EML4: variants seen among roughly 807,000 people sequenced by gnomAD.
EML4 encodes the protein EMAP like 4.
In EML4, 72 loss-of-function variants were observed where a neutral mutation model predicts 129.0. That is an observed-to-expected ratio of 0.56 (90% confidence interval 0.46 to 0.68). The LOEUF is 0.68. Ranked by LOEUF, EML4 falls within the 30% of genes least tolerant of loss-of-function variation. The pLI is 0.00. For missense variants in EML4, 1,363 were observed against 1,190.6 expected, an observed-to-expected ratio of 1.14 and a Z score of -2.13; for synonymous variants, 532 against 405.0, an observed-to-expected ratio of 1.31 and a Z score of -3.77.
intron 1 of EML4, among the ~76,000 whole-genome samples, chr2:42,171,930 C>A (rs748529081): frequency 6.6e-6 from 1 of 152,068 alleles, no homozygotes; most frequent in Non-Finnish European, 1.5e-5. Context: ...TCAGCTCTTG[C>A]CAAATTGCTT....
intron 1 of EML4, among the ~76,000 whole-genome samples, chr2:42,200,153 CAAAAAAAAAAA>C (rs11421705): frequency 4.7e-5 from 4 of 84,466 alleles, no homozygotes; most frequent in Admixed American, 1.4e-4. Flanking sequence ...ACTAAAAATA[CAAAAAAAAAAA>C]AAAAAAAAAA....
intron 1 of EML4, among the ~76,000 whole-genome samples, chr2:42,218,311 G>C (rs1026738392): frequency 6.6e-6 from 1 of 151,746 alleles, no homozygotes; most frequent in Non-Finnish European, 1.5e-5. Context: ...TCTAGTTGCA[G>C]GAAAACAAGC....
intron 6 of EML4, among the ~76,000 whole-genome samples, chr2:42,279,529 C>T (rs1572678976): frequency 6.6e-6 from 1 of 151,806 alleles, no homozygotes; most frequent in East Asian, 1.9e-4. Flanking sequence ...GCGATCTTGG[C>T]TCACTGCAAG....
chr2:42,169,746 T>A, intron 1 of EML4, 110 bp downstream of exon 1: 2 of 1,270,830 alleles, frequency 1.6e-6, no homozygotes, highest in Non-Finnish European at 2.2e-6. Flanking sequence ...TGGCAGCGGC[T>A]CCACTGCACA....
At chr2:42,266,868 T>C (rs1249486249) in intron 6 of EML4, among the ~76,000 whole-genome samples, 1 of 152,138 alleles carries the variant, frequency 6.6e-6, no homozygotes, top group African/African-American at 2.4e-5. Flanking sequence ...ATATGAAATA[T>C]AAATTGAAAT....
At chr2:42,329,562 TAAA>T (rs1357888922) in intron 22 of EML4, among the ~76,000 whole-genome samples, 169 bp from the exon 23 acceptor site, 2 of 152,176 alleles carry the variant, frequency 1.3e-5, no homozygotes, top group Non-Finnish European at 2.9e-5. Flanking sequence ...AAAGTGATAA[TAAA>T]AGGAAATAAC....
intron 13 of EML4, 34 bp downstream of exon 13, chr2:42,295,550 A>G (rs1324382240): frequency 6.3e-7 from 1 of 1,593,862 alleles, no homozygotes; most frequent in African/African-American, 1.3e-5. Context: ...CATTTCTGGT[A>G]ATTCTCACAT....
chr2:42,227,501 C>T (rs1295954052), intron 1 of EML4, among the ~76,000 whole-genome samples: 5 of 149,678 alleles, frequency 3.3e-5, no homozygotes, highest in Admixed American at 2.6e-4. Flanking sequence ...TAAACCACCC[C>T]TCTTCCACAA....
At chr2:42,193,188 T>TA in intron 1 of EML4, among the ~76,000 whole-genome samples, 1 of 152,250 alleles carries the variant, frequency 6.6e-6, no homozygotes. Flanking sequence ...AGTGCAGTAG[T>TA]ATTCTGTACA....
intron 1 of EML4, among the ~76,000 whole-genome samples, chr2:42,243,701 G>GAGTA (rs1396064134): frequency 6.6e-6 from 1 of 152,214 alleles, no homozygotes; most frequent in East Asian, 1.9e-4. Flanking sequence ...AGACAGAAGA[G>GAGTA]AGTACATGTG....
intron 1 of EML4, among the ~76,000 whole-genome samples, chr2:42,203,127 T>C (rs984257562): frequency 1.3e-5 from 2 of 152,228 alleles, no homozygotes; most frequent in African/African-American, 4.8e-5. Flanking sequence ...ATTTGAGGTT[T>C]GGTGGATATG....
intron 11 of EML4, among the ~76,000 whole-genome samples, chr2:42,292,116 T>G (rs1207867979): frequency 6.6e-6 from 1 of 152,252 alleles, no homozygotes; most frequent in Non-Finnish European, 1.5e-5. Flanking sequence ...ATAGGAGTTT[T>G]GTGGGACATG....
In EML4 at chr2:42,301,266, C is replaced by G; in HGVS notation, c.1515C>G (p.Ile505Met). The G allele has an allele frequency of 6.2e-7, 1 of 1,611,926 alleles. No homozygotes were observed. Among genetic ancestry groups the G allele is most frequent in the Non-Finnish European group, 8.5e-7 (1 of 1,179,212 alleles). The stretch of plus-strand genomic sequence containing the variant: ...GTGTATATCAAATCAGCAAACAAAT[C>G]AAAGCTCATGATGGCAGTGTGTTCA... ...PKGVYQISKQ[I>M]KAHDGSVFTL... Residue 505 changes from isoleucine (I) to methionine (M), a missense_variant, in exon 14 of 23, where the codon ATC (isoleucine) becomes ATG (methionine). Transcript: ENST00000318522.
intron 1 of EML4, among the ~76,000 whole-genome samples, chr2:42,209,544 T>C (rs1045747951): frequency 3.3e-5 from 5 of 152,224 alleles, no homozygotes; most frequent in East Asian, 1.9e-4. Flanking sequence ...TTTCAAACTT[T>C]AGTTATCTGA....
At position 42,332,274 on chromosome 2, in the gene EML4, C is replaced by T. The variant is rs76977389; in HGVS notation, c.*2067C>T. The T allele has an allele frequency of 4.0e-4, 86 of 214,084 alleles. 1 individual carries two copies. The East Asian group carries it at 4.5e-3, about 11-fold the overall frequency. The allele number at this position is 214,084 out of a possible 1,614,324, so 13.3% of individuals were successfully genotyped here. ...TGAGATTTATAATCATGATACTCTT[C>T]GGTGGTAGTTTCAAAAGACACTACT... On this transcript the variant is annotated 3_prime_UTR_variant, in exon 23 of 23. Transcript: ENST00000318522.
Position 42,329,023 on chromosome 2 carries a change from TC to T in EML4, c.2472+8del. 6.2e-7 allele frequency: 1 copy of T among 1,609,110 alleles called. No homozygotes were observed. Among genetic ancestry groups the T allele is most frequent in the Non-Finnish European group, 8.5e-7 (1 of 1,178,406 alleles). On this transcript the variant is annotated splice_region_variant and intron_variant, in intron 22 of 22. Transcript: ENST00000318522. ...TCCCTGCTCCAAAGCAAAGGTAAAC[TC>T]ACTTTAATAGAAACTAATGTTATAA...
rs149584395 is a variant in EML4, at chr2:42,325,571, T to TTATATATATA, written c.2242+25_2242+34dup. The TTATATATATA allele has an allele frequency of 4.1e-6, 2 of 488,256 alleles. No homozygotes were observed. The highest frequency in any genetic ancestry group is 3.5e-6 in the Non-Finnish European group (1 of 285,266). The allele number at this position is 488,256 out of a possible 1,614,324, so 30.2% of individuals were successfully genotyped here. ...TATTGTACTGTAAGTATGAATGATTTTATATATATATATATATGCTATGAT... is the reference window on the plus strand; with the variant it reads ...TATTGTACTGTAAGTATGAATGATTTTATATATATATATATATATATATATATGCTATGAT... On this transcript the variant is annotated intron_variant, in intron 20 of 22. Transcript: ENST00000318522.
intron 1 of EML4, chr2:42,207,831 A>C (rs1672652149): frequency 6.6e-6 from 1 of 152,238 alleles, no homozygotes; most frequent in South Asian, 2.1e-4. Flanking sequence ...TTCACTGATG[A>C]ATAATTGATT....
At chr2:42,292,517 A>G (rs1452594796) in intron 11 of EML4, among the ~76,000 whole-genome samples, 2 of 152,246 alleles carry the variant, frequency 1.3e-5, no homozygotes, top group Non-Finnish European at 2.9e-5. Flanking sequence ...TAACCCAGAC[A>G]TGAAGGAATG....
Sources: allele counts gnomAD v4.1 joint callset (sites outside exome capture counted in the v4.1 genomes callset), GRCh38; gene constraint gnomAD v4.1.1; transcripts MANE v1.5; gene names NCBI Gene and HGNC (gene_info 2026-07-23, HGNC 2026-07-21).